The following BBS9 variants were observed in gnomAD, a reference collection of about 807,000 sequenced individuals.
The protein encoded by BBS9 is Bardet-Biedl syndrome 9.
BBS9 carries 89 observed loss-of-function variants against 117.7 expected under a neutral mutation model. The ratio of observed to expected loss-of-function variants is 0.76; its 90% CI spans 0.64 to 0.90. BBS9 has a LOEUF of 0.90. BBS9 is among the 40% of genes least tolerant of loss of function. BBS9 has a pLI of 0.00. For missense variants in BBS9, 982 were observed against 1,042.2 expected (o/e 0.94, Z 0.80); for synonymous variants, 379 against 370.9 (o/e 1.02, Z -0.25).
rs1472663174 is a variant in BBS9, at chr7:33,129,642, A to C, written c.-411A>C. The C allele has an allele frequency of 1.3e-5, 2 of 153,152 alleles. No individual in the cohort carries two copies. The allele number at this position is 153,152 out of a possible 1,614,324, so 9.5% of individuals were successfully genotyped here. ...CCGCTGCGGCCGTCGGGTTTCTGCTACATCCCATTCACCGCCTCCTCCATC... is the reference window on the plus strand; with the variant it reads ...CCGCTGCGGCCGTCGGGTTTCTGCTCCATCCCATTCACCGCCTCCTCCATC... On this transcript the variant is annotated 5_prime_UTR_variant, in exon 1 of 23. Coordinates refer to ENST00000242067, the MANE Select transcript of BBS9 (RefSeq NM_198428.3).
chr7:33,496,174 G>A (rs1485225340), intron 19 of BBS9, among the ~76,000 whole-genome samples: 2 of 152,104 alleles, frequency 1.3e-5, no homozygotes, highest in East Asian at 1.9e-4. Context: ...CACTTTTGCA[G>A]TTGCCTTAAT....
intron 21 of BBS9, among the ~76,000 whole-genome samples, chr7:33,587,216 C>T (rs1318673347): frequency 6.6e-6 from 1 of 152,086 alleles, no homozygotes; most frequent in Non-Finnish European, 1.5e-5. Context: ...CCTATACCTT[C>T]TGACTTGTGG....
intron 9 of BBS9, among the ~76,000 whole-genome samples, chr7:33,325,812 T>A (rs569107242): frequency 6.6e-6 from 1 of 152,180 alleles, no homozygotes. Context: ...ACTCTTGCTT[T>A]CTTCCCTTAC....
chr7:33,531,648 G>A (rs1031846843), intron 20 of BBS9, among the ~76,000 whole-genome samples: 23 of 152,324 alleles, frequency 1.5e-4, no homozygotes, highest in African/African-American at 5.3e-4. Context: ...CAGAATTGCT[G>A]TCTCCACAGA....
chr7:33,165,179 A>G (rs1400202035), intron 4 of BBS9, among the ~76,000 whole-genome samples: 3 of 152,098 alleles, frequency 2.0e-5, no homozygotes, highest in South Asian at 2.1e-4. Flanking sequence ...TGGCTTGTAG[A>G]GTTTCTGCCG....
chr7:33,504,848 C>CTT lies in BBS9; in HGVS notation c.2116-601_2116-600dup, dbSNP rs751086164. ...CATTGTAAAGTTAACACACCCTGAACTTTTTTTTTTTTTTTCTTTCAGGTC... is the reference window on the plus strand; with the variant it reads ...CATTGTAAAGTTAACACACCCTGAACTTTTTTTTTTTTTTTTTCTTTCAGGTC... On this transcript the variant is annotated intron_variant, in intron 19 of 22. Transcript: ENST00000242067. Among the ~76,000 whole-genome samples the CTT allele has an allele frequency of 3.9e-3, 542 of 140,114 alleles. 4 individuals are homozygous for CTT. Among genetic ancestry groups the CTT allele is most frequent in the African/African-American group, 0.013 (493 of 38,352 alleles). 91.9% of individuals were successfully genotyped at this position (140,114 alleles called of 152,430 possible).
At chr7:33,248,112 T>G (rs911444026) in intron 5 of BBS9, among the ~76,000 whole-genome samples, 1 of 152,184 alleles carries the variant, frequency 6.6e-6, no homozygotes, top group African/African-American at 2.4e-5. Flanking sequence ...AGACTTAAAT[T>G]TTATTTTCTT....
intron 15 of BBS9, among the ~76,000 whole-genome samples, chr7:33,355,140 C>A (rs1203277001): frequency 6.6e-6 from 1 of 151,984 alleles, no homozygotes; most frequent in Non-Finnish European, 1.5e-5. Flanking sequence ...GTTCTGCTAG[C>A]AACTGTGAAA....
chr7:33,555,761 T>C lies in BBS9; in HGVS notation c.2521+21585T>C, dbSNP rs1269998052. Among the ~76,000 whole-genome samples, 5 of 152,298 alleles carry C rather than the reference T, an allele frequency of 3.3e-5. No homozygotes were observed. In the East Asian group the frequency reaches 9.6e-4, roughly 29 times the overall value. On this transcript the variant is annotated intron_variant, in intron 21 of 22. Transcript: ENST00000242067. ...GTTTGAGGGAGACAGATCATCAGTT[T>C]AGTTTTGTACATGTTGAATTTGAGA... is the stretch of plus-strand genomic sequence containing the variant.
chr7:33,462,634 G>A (rs973226060), intron 19 of BBS9, among the ~76,000 whole-genome samples: 1 of 152,062 alleles, frequency 6.6e-6, no homozygotes, highest in African/African-American at 2.4e-5. Flanking sequence ...GTGGTGGTAA[G>A]TTCTACTTGC....
intron 19 of BBS9, among the ~76,000 whole-genome samples, chr7:33,447,783 C>T (rs1165190015): frequency 1.3e-5 from 2 of 152,102 alleles, no homozygotes; most frequent in African/African-American, 2.4e-5. Context: ...TGGTATATAG[C>T]AGGTTATTTT....
At chr7:33,153,513 T>C (rs563627915) in intron 3 of BBS9, among the ~76,000 whole-genome samples, 45 of 152,386 alleles carry the variant, frequency 3.0e-4, no homozygotes, top group African/African-American at 1.1e-3. Context: ...TGAACACTTA[T>C]CAAGTAGCCA....
intron 20 of BBS9, among the ~76,000 whole-genome samples, chr7:33,526,473 T>TC (rs1161086363): frequency 2.0e-5 from 3 of 151,740 alleles, no homozygotes; most frequent in East Asian, 1.9e-4. Context: ...TCTCTAAACT[T>TC]CCTTCTCGCT....
intron 19 of BBS9, among the ~76,000 whole-genome samples, chr7:33,460,289 A>C (rs1181218008): frequency 6.6e-6 from 1 of 152,082 alleles, no homozygotes; most frequent in Non-Finnish European, 1.5e-5. Context: ...AAATTCTCCT[A>C]AGATAGTTTC....
chr7:33,212,255 T>C (rs1788162718), intron 5 of BBS9, among the ~76,000 whole-genome samples: 1 of 152,220 alleles, frequency 6.6e-6, no homozygotes, highest in Non-Finnish European at 1.5e-5. Context: ...TGCTTCATTT[T>C]ATTATTTTGT....
chr7:33,257,453 G>A, intron 6 of BBS9, 43 bp downstream of exon 6: 1 of 1,587,194 alleles, frequency 6.3e-7, no homozygotes, highest in Non-Finnish European at 8.6e-7. Flanking sequence ...ATTTTTTGGT[G>A]CGTTTGTTGC....
intron 19 of BBS9, among the ~76,000 whole-genome samples, chr7:33,437,434 G>A (rs1028026368): frequency 6.6e-6 from 1 of 152,110 alleles, no homozygotes; most frequent in African/African-American, 2.4e-5. Flanking sequence ...AGTGTTATCT[G>A]TCAGACACAT....
intron 21 of BBS9, among the ~76,000 whole-genome samples, chr7:33,557,268 T>C (rs1430997769): frequency 6.6e-6 from 1 of 152,206 alleles, no homozygotes; most frequent in Admixed American, 6.6e-5. Context: ...CTTTTTTTCA[T>C]TTGCCAAGAA....
chr7:33,469,013 T>G (rs1340245984), intron 19 of BBS9, among the ~76,000 whole-genome samples: 2 of 151,624 alleles, frequency 1.3e-5, no homozygotes, highest in Non-Finnish European at 2.9e-5. Context: ...TTTTTTTTTT[T>G]GTGAGAGACT....
Sources: allele counts gnomAD v4.1 joint callset (sites outside exome capture counted in the v4.1 genomes callset), GRCh38; gene constraint gnomAD v4.1.1; transcripts MANE v1.5; gene names NCBI Gene and HGNC (gene_info 2026-07-23, HGNC 2026-07-21).